The following LRRK1 variants were observed in gnomAD, a reference collection of about 807,000 sequenced individuals.
The protein encoded by LRRK1 is leucine rich repeat kinase 1, also known as leucine-rich repeat serine/threonine-protein kinase 1.
Under a neutral mutation model 209.1 loss-of-function variants are expected in LRRK1, and 113 were observed. That is an observed-to-expected ratio of 0.54 (90% confidence interval 0.46 to 0.63). The LOEUF is 0.63. Among genes scored for constraint, LRRK1 ranks in the 30% least tolerant of loss-of-function variants. The pLI is 0.00. For synonymous variants in LRRK1, 1,144 were observed against 1,099.7 expected, an observed-to-expected ratio of 1.04 and a Z score of -0.80; for missense variants, 2,284 against 2,632.2, an observed-to-expected ratio of 0.87 and a Z score of 2.89.
chr15:101,077,647 C>G lies in LRRK1; in HGVS notation c.*8799C>G, dbSNP rs1031129967. ...TTCTAACAACCGCACAATATCACCC[C>G]TTACCACAAGACCTCCCTTCAGCTT... On this transcript the variant is annotated 3_prime_UTR_variant, in exon 34 of 34. Coordinates refer to ENST00000388948, the MANE Select transcript of LRRK1 (RefSeq NM_024652.6). 2 of 152,180 alleles carry G rather than the reference C, an allele frequency of 1.3e-5. No individual in the cohort carries two copies. The highest frequency in any genetic ancestry group is 2.9e-5 in the Non-Finnish European group (2 of 68,036). The allele number at this position is 152,180 out of a possible 1,614,324, so 9.4% of individuals were successfully genotyped here.
chr15:101,054,273 A>G (rs1485801380), intron 26 of LRRK1, among the ~76,000 whole-genome samples: 1 of 152,214 alleles, frequency 6.6e-6, no homozygotes, highest in Non-Finnish European at 1.5e-5. Flanking sequence ...ACGCCCAGCC[A>G]AACAAAATGC....
At chr15:101,062,834 G>A in intron 31 of LRRK1, 144 bp downstream of exon 31, 1 of 688,806 alleles carries the variant, frequency 1.5e-6, no homozygotes, top group South Asian at 1.7e-5. Context: ...ACGGTGGGAG[G>A]AAAGATATCA....
intron 2 of LRRK1, among the ~76,000 whole-genome samples, chr15:100,931,181 T>C (rs2042205268): frequency 6.6e-6 from 1 of 152,368 alleles, no homozygotes. Context: ...TCAGAACTTG[T>C]ATTTTCAACT....
chr15:100,930,831 T>A (rs761967840), intron 2 of LRRK1, among the ~76,000 whole-genome samples: 4 of 152,254 alleles, frequency 2.6e-5, no homozygotes, highest in African/African-American at 4.8e-5. Flanking sequence ...GGGATTTTTA[T>A]GAAATTCTTT....
chr15:100,936,837 C>T (rs1407111646), intron 2 of LRRK1, among the ~76,000 whole-genome samples: 2 of 152,210 alleles, frequency 1.3e-5, no homozygotes, highest in East Asian at 1.9e-4. Flanking sequence ...TAACCAGAGT[C>T]CTGTTTTGTC....
At chr15:100,952,515 T>C (rs1015541072) in intron 2 of LRRK1, among the ~76,000 whole-genome samples, 10 of 152,380 alleles carry the variant, frequency 6.6e-5, no homozygotes, top group African/African-American at 2.4e-4. Flanking sequence ...ATTATCTTGG[T>C]GTTTCACGGG....
chr15:100,966,641 C>G lies in LRRK1; in HGVS notation c.98-7163C>G, dbSNP rs957750935. ...TAAATGCATACGCATTAACTGGTGC[C>G]TTTTCCTAATGTCCTTCCAACAACT... On this transcript the variant is annotated intron_variant, in intron 2 of 33. Coordinates refer to ENST00000388948, the MANE Select transcript of LRRK1 (RefSeq NM_024652.6). Among the ~76,000 whole-genome samples the G allele has an allele frequency of 2.6e-5, 4 of 152,186 alleles. No individual in the cohort carries two copies. The South Asian group carries it at 8.3e-4, about 32-fold the overall frequency.
chr15:101,065,286 A>C, intron 31 of LRRK1, 66 bp from the exon 32 acceptor site: 1 of 1,561,308 alleles, frequency 6.4e-7, no homozygotes, highest in Non-Finnish European at 8.6e-7. Flanking sequence ...TCCAGTGCCT[A>C]CTCTGTGTCT....
At chr15:101,025,332 A>AT (rs2033977351) in intron 16 of LRRK1, among the ~76,000 whole-genome samples, 3 of 152,166 alleles carry the variant, frequency 2.0e-5, no homozygotes, top group Non-Finnish European at 2.9e-5. Flanking sequence ...TCCGTGGAGG[A>AT]GGTCACAGAA....
intron 12 of LRRK1, among the ~76,000 whole-genome samples, chr15:101,018,273 C>T (rs1480437775): frequency 6.7e-6 from 1 of 150,352 alleles, no homozygotes; most frequent in Non-Finnish European, 1.5e-5. Context: ...GGCCAGGAAA[C>T]AAATGAAAAG....
intron 31 of LRRK1, among the ~76,000 whole-genome samples, chr15:101,063,981 T>C (rs746252790): frequency 2.6e-5 from 4 of 152,242 alleles, no homozygotes; most frequent in Non-Finnish European, 5.9e-5. Context: ...CACCACCTCC[T>C]GCACGACCAG....
rs114325198 is a variant in LRRK1, at chr15:100,989,812, G to A, written c.762+414G>A. On this transcript the variant is annotated intron_variant, in intron 6 of 33. Coordinates refer to ENST00000388948, the MANE Select transcript of LRRK1 (RefSeq NM_024652.6). ...TAGCAGGGTGGGAGCTGAAATCTGGGCTTCATCCCCCTCCCAGAGTTTTTG... is the reference window on the plus strand; with the variant it reads ...TAGCAGGGTGGGAGCTGAAATCTGGACTTCATCCCCCTCCCAGAGTTTTTG... 9.4e-3 allele frequency among the ~76,000 whole-genome samples: 1,433 copies of A among 152,134 alleles called. 25 individuals carry two copies. Among genetic ancestry groups the A allele is most frequent in the African/African-American group, 0.032 (1,346 of 41,496 alleles).
In LRRK1 at chr15:101,053,470, G is replaced by C. The variant is rs777632755; in HGVS notation, c.4054+50G>C. 11 of 1,481,882 alleles carry C rather than the reference G, an allele frequency of 7.4e-6. No homozygotes were observed. The South Asian group carries it at 1.3e-4, about 18-fold the overall frequency. 91.8% of individuals were successfully genotyped at this position (1,481,882 alleles called of 1,614,324 possible). On this transcript the variant is annotated intron_variant, in intron 26 of 33. Coordinates refer to ENST00000388948, the MANE Select transcript of LRRK1 (RefSeq NM_024652.6). ...GGCCCCGGAGACCGACAGAGCCCCG[G>C]GCGCCTCCTGCCTGGCACGGGGGGT... is the stretch of plus-strand genomic sequence containing the variant.
At chr15:101,006,255 A>G (rs929777341) in intron 6 of LRRK1, among the ~76,000 whole-genome samples, 10 of 152,150 alleles carry the variant, frequency 6.6e-5, no homozygotes, top group African/African-American at 2.4e-4. Flanking sequence ...AACTTTAGGA[A>G]AAACTTGAGT....
At chr15:101,026,786 C>T (rs1025249152) in intron 17 of LRRK1, among the ~76,000 whole-genome samples, 2 of 152,176 alleles carry the variant, frequency 1.3e-5, no homozygotes, top group Non-Finnish European at 2.9e-5. Flanking sequence ...CTCTCAGATT[C>T]CCTCGCCCGG....
chr15:100,965,321 G>A (rs931493718), intron 2 of LRRK1, among the ~76,000 whole-genome samples: 2 of 152,148 alleles, frequency 1.3e-5, no homozygotes, highest in African/African-American at 4.8e-5. Flanking sequence ...TATCACTGAA[G>A]GTATTTCTTT....
Position 101,058,078 on chromosome 15 carries a change from CCTT to C in LRRK1, c.4622_4624del (p.Phe1541del), listed in dbSNP as rs1413513171. 4.3e-6 allele frequency: 7 copies of C among 1,614,028 alleles called. No homozygotes were observed. The highest frequency in any genetic ancestry group is 5.9e-6 in the Non-Finnish European group (7 of 1,180,022). ...GAACTGTGCTGTGGGAAGCAGACAGCCTTCTTCTCATCCCAGGGCCAGGAGTAC... is the reference window on the plus strand; with the variant it reads ...GAACTGTGCTGTGGGAAGCAGACAGCCTTCTCATCCCAGGGCCAGGAGTAC... On this transcript the variant is annotated inframe_deletion, in exon 29 of 34. Coordinates refer to ENST00000388948, the MANE Select transcript of LRRK1 (RefSeq NM_024652.6).
intron 2 of LRRK1, among the ~76,000 whole-genome samples, chr15:100,972,335 T>TATATGAGAGA (rs754464630): frequency 5.6e-5 from 6 of 106,200 alleles, no homozygotes; most frequent in South Asian, 3.6e-4. Context: ...TATATATATA[T>TATATGAGAGA]GAGAGAGAGA....
intron 12 of LRRK1, among the ~76,000 whole-genome samples, chr15:101,016,528 C>T (rs1033377844): frequency 6.6e-6 from 1 of 152,116 alleles, no homozygotes; most frequent in Non-Finnish European, 1.5e-5. Flanking sequence ...AGGGCCCCAC[C>T]CTCATGACCT....
Sources: allele counts gnomAD v4.1 joint callset (sites outside exome capture counted in the v4.1 genomes callset), GRCh38; gene constraint gnomAD v4.1.1; transcripts MANE v1.5; gene names NCBI Gene and HGNC (gene_info 2026-07-23, HGNC 2026-07-21).